Variants in GABRA1 observed in about 807,000 individuals in gnomAD.
GABRA1 encodes gamma-aminobutyric acid receptor subunit alpha-1.
In GABRA1, 9 loss-of-function variants were observed where a neutral mutation model predicts 48.9. The ratio of observed to expected loss-of-function variants is 0.18; its 90% CI spans 0.11 to 0.32. The LOEUF (loss-of-function observed/expected upper bound fraction) is 0.32, where lower values mean the gene tolerates loss of function less well. Among genes scored for constraint, GABRA1 ranks in the 10% least tolerant of loss-of-function variants. The probability of loss-of-function intolerance (pLI) is 1.00; values close to 1 mark genes in which losing one functional copy is unlikely to be tolerated. For synonymous variants in GABRA1, 210 were observed against 198.7 expected, an observed-to-expected ratio of 1.06 and a Z score of -0.48; for missense variants, 285 against 553.8, an observed-to-expected ratio of 0.51 and a Z score of 4.87.
At chr5:161,872,905 G>A (rs1754183868) in intron 4 of GABRA1, among the ~76,000 whole-genome samples, 1 of 151,994 alleles carries the variant, frequency 6.6e-6, no homozygotes. Context: ...AATATGTCAG[G>A]CATTTTAGAT....
chr5:161,880,818 T>A (rs2113407411), intron 6 of GABRA1, among the ~76,000 whole-genome samples: 1 of 152,250 alleles, frequency 6.6e-6, no homozygotes, highest in Middle Eastern at 3.4e-3. Context: ...CTTATTTTCA[T>A]GTAAAAAAGC....
chr5:161,887,397 A>G (rs1402300737), intron 7 of GABRA1, among the ~76,000 whole-genome samples: 1 of 152,116 alleles, frequency 6.6e-6, no homozygotes, highest in African/African-American at 2.4e-5. Context: ...GAAGCCTAGT[A>G]CATGGTCTCC....
At chr5:161,849,195 G>A (rs1581173245) in intron 1 of GABRA1, among the ~76,000 whole-genome samples, 1 of 152,230 alleles carries the variant, frequency 6.6e-6, no homozygotes, top group African/African-American at 2.4e-5. Flanking sequence ...TTTTAAAAAT[G>A]TCAGAAGAGG....
chr5:161,866,010 C>T (rs1394101319), intron 4 of GABRA1, among the ~76,000 whole-genome samples: 1 of 151,964 alleles, frequency 6.6e-6, no homozygotes, highest in African/African-American at 2.4e-5. Context: ...TCAACCACTG[C>T]AGTCATCTTT....
intron 1 of GABRA1, chr5:161,850,432 A>C: frequency 4.5e-6 from 2 of 446,928 alleles, no homozygotes; most frequent in Non-Finnish European, 7.9e-6. Context: ...CTGAAATCTT[A>C]AAAGTCCAAA....
intron 3 of GABRA1, among the ~76,000 whole-genome samples, chr5:161,858,379 A>G (rs1381612587): frequency 1.3e-5 from 2 of 151,714 alleles, no homozygotes; most frequent in African/African-American, 2.4e-5. Context: ...AAAATAATCC[A>G]TAAACAGAGA....
intron 5 of GABRA1, among the ~76,000 whole-genome samples, chr5:161,873,637 G>A (rs1216359442): frequency 5.3e-5 from 8 of 152,058 alleles, no homozygotes; most frequent in Non-Finnish European, 1.2e-4. Flanking sequence ...CTTCATTCCA[G>A]TAAGACCTAA....
chr5:161,875,119 T>C (rs1754289539), intron 5 of GABRA1, among the ~76,000 whole-genome samples: 1 of 152,188 alleles, frequency 6.6e-6, no homozygotes, highest in South Asian at 2.1e-4. Context: ...TGGTGCTATT[T>C]TAGAGAAAGA....
chr5:161,889,985 T>G (rs1377343647), intron 7 of GABRA1, among the ~76,000 whole-genome samples: 1 of 152,024 alleles, frequency 6.6e-6, no homozygotes, highest in East Asian at 1.9e-4. Context: ...AGTTAAGATG[T>G]GACTACAGCC....
intron 7 of GABRA1, among the ~76,000 whole-genome samples, chr5:161,885,189 C>T (rs1754790355): frequency 6.6e-6 from 1 of 152,172 alleles, no homozygotes; most frequent in African/African-American, 2.4e-5. Context: ...CGTTTCAACT[C>T]CACAGTAACG....
intron 2 of GABRA1, among the ~76,000 whole-genome samples, chr5:161,851,173 T>C (rs1487006611): frequency 6.6e-6 from 1 of 152,148 alleles, no homozygotes; most frequent in East Asian, 1.9e-4. Context: ...AAACGTGCGG[T>C]TTCCTAATTC....
chr5:161,882,979 A>G (rs1581207430), intron 7 of GABRA1, among the ~76,000 whole-genome samples: 2 of 152,176 alleles, frequency 1.3e-5, no homozygotes, highest in Admixed American at 6.6e-5. Flanking sequence ...GAACTCTTAG[A>G]GATGAACATC....
chr5:161,869,409 T>C (rs1476962695), intron 4 of GABRA1, among the ~76,000 whole-genome samples: 2 of 152,176 alleles, frequency 1.3e-5, no homozygotes, highest in African/African-American at 2.4e-5. Context: ...ACCCAGGTTA[T>C]TTAGCCCTAG....
At chr5:161,870,337 G>A (rs552064440) in intron 4 of GABRA1, among the ~76,000 whole-genome samples, 3 of 151,966 alleles carry the variant, frequency 2.0e-5, no homozygotes, top group East Asian at 3.9e-4. Context: ...CGAGGCGGGC[G>A]GATCACCTGA....
intron 7 of GABRA1, among the ~76,000 whole-genome samples, chr5:161,886,385 T>G (rs1454998345): frequency 6.6e-6 from 1 of 151,876 alleles, no homozygotes; most frequent in Non-Finnish European, 1.5e-5. Context: ...CATGAGCTAT[T>G]GTGAGATGGA....
intron 8 of GABRA1, among the ~76,000 whole-genome samples, chr5:161,892,686 CAAA>C (rs1755148416): frequency 6.6e-6 from 1 of 151,770 alleles, no homozygotes; most frequent in South Asian, 2.1e-4. Flanking sequence ...AACAAACAAA[CAAA>C]CAAACAAACA....
Position 161,895,620 on chromosome 5 carries a change from T to C in GABRA1, c.857-46T>C, listed in dbSNP as rs768833192. The C allele has an allele frequency of 2.0e-6, 3 of 1,529,728 alleles. No homozygotes were observed. The South Asian group carries it at 3.4e-5, about 17-fold the overall frequency. 94.8% of individuals were successfully genotyped at this position (1,529,728 alleles called of 1,614,324 possible). A position where few individuals can be genotyped will look rare whatever the true frequency, so the allele number is the denominator to read the frequency against. ...TAGGCTGTCCCATCATGATGAAATTTCACAGTATGAACTGGCATCATGTAT... is the reference window on the plus strand; with the variant it reads ...TAGGCTGTCCCATCATGATGAAATTCCACAGTATGAACTGGCATCATGTAT... On this transcript the variant is annotated intron_variant, in intron 8 of 9. Transcript: ENST00000393943.
chr5:161,882,178 G>T (rs973699300), intron 6 of GABRA1: 2 of 283,696 alleles, frequency 7.0e-6, no homozygotes, highest in Non-Finnish European at 6.8e-6. Flanking sequence ...CCTTTTACTC[G>T]GTTGTGTATG....
chr5:161,868,057 AT>A (rs1753949059), intron 4 of GABRA1, among the ~76,000 whole-genome samples: 1 of 151,496 alleles, frequency 6.6e-6, no homozygotes, highest in Admixed American at 6.6e-5. Flanking sequence ...TAAAAAAAAA[AT>A]GAGGTCTTGT....
Sources: allele counts gnomAD v4.1 joint callset (sites outside exome capture counted in the v4.1 genomes callset), GRCh38; gene constraint gnomAD v4.1.1; transcripts MANE v1.5; gene names NCBI Gene and HGNC (gene_info 2026-07-23, HGNC 2026-07-21).